The following SPOCK1 variants were observed in gnomAD, a reference collection of about 807,000 sequenced individuals.
SPOCK1 encodes testican-1.
Under a neutral mutation model 55.3 loss-of-function variants are expected in SPOCK1, and 23 were observed. That is an observed-to-expected ratio of 0.42 (90% confidence interval 0.30 to 0.59). The LOEUF (loss-of-function observed/expected upper bound fraction) is 0.59, where lower values mean the gene tolerates loss of function less well. Among genes scored for constraint, SPOCK1 ranks in the 20% least tolerant of loss-of-function variants. The pLI is 0.22. For missense variants in SPOCK1, 499 were observed against 552.5 expected (o/e 0.90, Z 0.97); for synonymous variants, 226 against 221.0 (o/e 1.02, Z -0.20).
chr5:137,265,290 A>G (rs1330199839), intron 3 of SPOCK1, among the ~76,000 whole-genome samples: 2 of 152,210 alleles, frequency 1.3e-5, no homozygotes, highest in South Asian at 4.1e-4. Context: ...GAGTGTATTC[A>G]TTTGCAAGCT....
At chr5:137,310,859 T>C (rs1757779057) in intron 2 of SPOCK1, among the ~76,000 whole-genome samples, 2 of 152,282 alleles carry the variant, frequency 1.3e-5, no homozygotes, top group East Asian at 3.9e-4. Flanking sequence ...GAAACTATGA[T>C]GCTGAACAGA....
intron 2 of SPOCK1, among the ~76,000 whole-genome samples, chr5:137,409,054 G>T (rs968114551): frequency 1.3e-5 from 2 of 152,074 alleles, no homozygotes; most frequent in Non-Finnish European, 2.9e-5. Context: ...CAGACTCCTG[G>T]GAAAGAAATC....
chr5:137,449,737 T>TAAAATAAAAC (rs1753209401), intron 2 of SPOCK1, among the ~76,000 whole-genome samples: 1 of 150,266 alleles, frequency 6.7e-6, no homozygotes, highest in Non-Finnish European at 1.5e-5. Flanking sequence ...AAAAATAAAA[T>TAAAATAAAAC]AAAATAAAAT....
At chr5:137,228,030 GT>G (rs1326839334) in intron 3 of SPOCK1, among the ~76,000 whole-genome samples, 1 of 152,194 alleles carries the variant, frequency 6.6e-6, no homozygotes, top group Admixed American at 6.5e-5. Flanking sequence ...AACCAAACCT[GT>G]TTTCTTTTCT....
intron 2 of SPOCK1, among the ~76,000 whole-genome samples, chr5:137,315,745 C>G (rs1473865133): frequency 2.6e-5 from 4 of 152,202 alleles, no homozygotes; most frequent in Non-Finnish European, 5.9e-5. Flanking sequence ...GCAAGGCAGG[C>G]AGGCTGTAGG....
chr5:137,121,930 T>TATTATATGTTATATA, intron 4 of SPOCK1, among the ~76,000 whole-genome samples: 1 of 145,848 alleles, frequency 6.9e-6, no homozygotes, highest in African/African-American at 2.6e-5. Flanking sequence ...ACTGTTATTA[T>TATTATATGTTATATA]ATAACAGTAT....
chr5:137,004,354 CTGCT>C (rs1213652462), intron 6 of SPOCK1, among the ~76,000 whole-genome samples: 1 of 152,044 alleles, frequency 6.6e-6, no homozygotes, highest in Admixed American at 6.6e-5. Context: ...ATTCCAAATC[CTGCT>C]TGCTTGGGTG....
intron 5 of SPOCK1, among the ~76,000 whole-genome samples, chr5:137,109,899 T>C (rs1481785154): frequency 1.3e-5 from 2 of 152,224 alleles, no homozygotes; most frequent in African/African-American, 4.8e-5. Flanking sequence ...TGAAATTACA[T>C]ATTTATATGC....
intron 2 of SPOCK1, among the ~76,000 whole-genome samples, chr5:137,395,661 G>C (rs768076662): frequency 6.6e-6 from 1 of 152,234 alleles, no homozygotes; most frequent in Non-Finnish European, 1.5e-5. Flanking sequence ...AGAAGGCAGG[G>C]CTATGGTGAG....
intron 3 of SPOCK1, among the ~76,000 whole-genome samples, chr5:137,219,323 G>A (rs568149897): frequency 2.6e-5 from 4 of 152,302 alleles, no homozygotes; most frequent in African/African-American, 7.2e-5. Flanking sequence ...CTTGTGAGAG[G>A]TGGAGTTCAG....
chr5:137,024,867 T>C (rs954736875), intron 6 of SPOCK1, among the ~76,000 whole-genome samples: 10 of 152,120 alleles, frequency 6.6e-5, no homozygotes, highest in African/African-American at 2.4e-4. Context: ...TAAATGCCCA[T>C]GAAGAGATGA....
intron 6 of SPOCK1, among the ~76,000 whole-genome samples, chr5:137,062,525 AAATAAT>A (rs71583272): frequency 0.047 from 6,787 of 143,434 alleles, 458 homozygotes; most frequent in African/African-American, 0.14. Context: ...CAAGCATTAT[AAATAAT>A]AATAATAATA....
At chr5:136,983,767 G>T (rs1487028873) in intron 9 of SPOCK1, among the ~76,000 whole-genome samples, 1 of 152,148 alleles carries the variant, frequency 6.6e-6, no homozygotes, top group African/African-American at 2.4e-5. Context: ...TAAAGAATTT[G>T]TAAGCAAATG....
intron 6 of SPOCK1, among the ~76,000 whole-genome samples, chr5:137,062,023 T>G (rs1385861272): frequency 2.0e-5 from 3 of 152,130 alleles, no homozygotes; most frequent in Non-Finnish European, 4.4e-5. Context: ...CGCAAGGATC[T>G]TTTCTCAGTG....
intron 2 of SPOCK1, among the ~76,000 whole-genome samples, chr5:137,418,959 T>C (rs1402124789): frequency 6.6e-6 from 1 of 152,206 alleles, no homozygotes; most frequent in Non-Finnish European, 1.5e-5. Flanking sequence ...CTTTAATCCA[T>C]CTTGAATTAA....
At position 137,019,395 on chromosome 5, in the gene SPOCK1, C is replaced by T. The variant is rs538681058; in HGVS notation, c.590-26795G>A. ...GTTATACATACAGTTTAGTGCCTTG[C>T]TCTTTTTCACTTAGGATTGTATTGT... is the stretch of plus-strand genomic sequence containing the variant. On this transcript the variant is annotated intron_variant, in intron 6 of 10. Transcript: ENST00000394945. Among the ~76,000 whole-genome samples the T allele has an allele frequency of 4.6e-5, 7 of 152,198 alleles. No homozygotes were observed. In the South Asian group the frequency reaches 1.2e-3, roughly 27 times the overall value.
intron 3 of SPOCK1, among the ~76,000 whole-genome samples, chr5:137,251,799 G>A (rs1293375047): frequency 1.3e-5 from 2 of 152,154 alleles, no homozygotes; most frequent in African/African-American, 4.8e-5. Flanking sequence ...ACCCCTCTCA[G>A]CCCATTCCTC....
At chr5:137,448,329 G>C (rs924409201) in intron 2 of SPOCK1, among the ~76,000 whole-genome samples, 17 of 152,146 alleles carry the variant, frequency 1.1e-4, no homozygotes, top group African/African-American at 3.6e-4. Context: ...CCTCATGTTT[G>C]TACTAGAGAG....
intron 3 of SPOCK1, among the ~76,000 whole-genome samples, chr5:137,188,989 C>T (rs1755125572): frequency 6.6e-6 from 1 of 152,234 alleles, no homozygotes; most frequent in Non-Finnish European, 1.5e-5. Context: ...AAGCCAAAAC[C>T]TAGTCCAGAG....
Sources: gnomAD v4.1 joint callset for allele counts (sites outside exome capture counted in the v4.1 genomes callset) on GRCh38, gnomAD v4.1.1 for gene constraint, MANE v1.5 for transcripts, NCBI Gene and HGNC (gene_info 2026-07-23, HGNC 2026-07-21) for gene names.